Variants in TMIGD3 observed in about 807,000 individuals in gnomAD.
TMIGD3 encodes the protein AD026 protein (AD026).
A neutral mutation model predicts 28.1 loss-of-function variants in TMIGD3; 21 were observed. The ratio of observed to expected loss-of-function variants is 0.75; its 90% CI spans 0.53 to 1.08. The LOEUF (loss-of-function observed/expected upper bound fraction) is 1.08, where lower values mean the gene tolerates loss of function less well. Ranked by LOEUF, TMIGD3 falls within the 50% of genes least tolerant of loss-of-function variation. The pLI is 0.00. For missense variants in TMIGD3, 416 were observed against 435.6 expected, an observed-to-expected ratio of 0.96 and a Z score of 0.40; for synonymous variants, 151 against 162.1, an observed-to-expected ratio of 0.93 and a Z score of 0.52.
At chr1:111,510,691 T>A (rs1176881276) in intron 1 of TMIGD3, among the ~76,000 whole-genome samples, 1 of 152,176 alleles carries the variant, frequency 6.6e-6, no homozygotes, top group East Asian at 1.9e-4. Context: ...GAGCTGCACA[T>A]CATTTTTGGC....
At chr1:111,532,760 C>T (rs543773985) in intron 1 of TMIGD3, among the ~76,000 whole-genome samples, 8 of 152,258 alleles carry the variant, frequency 5.3e-5, no homozygotes, top group Admixed American at 4.6e-4. Flanking sequence ...GTTGCCTAAC[C>T]GTGGCTTGTA....
chr1:111,526,686 C>T (rs1284806062), intron 1 of TMIGD3, among the ~76,000 whole-genome samples: 1 of 152,148 alleles, frequency 6.6e-6, no homozygotes, highest in Non-Finnish European at 1.5e-5. Context: ...ATCATTATCA[C>T]CCAAAGTTCA....
In TMIGD3 at chr1:111,503,459, T is replaced by G. The variant is rs41282520; in HGVS notation, c.-105A>C. ...CCAGACGTCTTCCCAGAGGTCCATG[T>G]GCAGTGACAGTCTAAAATTCCCAAC... On this transcript the variant is annotated 5_prime_UTR_variant, in exon 1 of 6. Transcript: ENST00000369716. 3.5e-3 allele frequency: 5,087 copies of G among 1,469,550 alleles called. 29 individuals are homozygous for G. The highest frequency in any genetic ancestry group is 3.3e-3 in the Non-Finnish European group (3,698 of 1,107,586). 91.0% of individuals were successfully genotyped at this position (1,469,550 alleles called of 1,614,324 possible).
rs181222254 is a variant in TMIGD3, at chr1:111,502,257, A to G, written c.350+748T>C. On this transcript the variant is annotated intron_variant, in intron 1 of 5. Coordinates refer to ENST00000369716, the MANE Select transcript of TMIGD3 (RefSeq NM_020683.7). ...ATATATAGGATATATTTATTATAAT[A>G]AATATATAGGATATATATTCATTAT... Among the ~76,000 whole-genome samples the G allele has an allele frequency of 2.3e-3, 120 of 52,730 alleles. 18 individuals are homozygous for G. Among genetic ancestry groups the G allele is most frequent in the Admixed American group, 0.012 (45 of 3,604 alleles). The allele number at this position is 52,730 out of a possible 152,430, so 34.6% of individuals were successfully genotyped here.
chr1:111,546,552 T>C (rs1395925931), intron 1 of TMIGD3, among the ~76,000 whole-genome samples: 1 of 152,196 alleles, frequency 6.6e-6, no homozygotes, highest in African/African-American at 2.4e-5. Flanking sequence ...TTATTTCACT[T>C]AGCATAATGT....
chr1:111,540,910 C>T (rs1571449160), intron 1 of TMIGD3, among the ~76,000 whole-genome samples: 1 of 152,170 alleles, frequency 6.6e-6, no homozygotes, highest in East Asian at 1.9e-4. Flanking sequence ...CAAACAGTTA[C>T]ACAAATTATC....
rs397981230 is a variant in TMIGD3, at chr1:111,555,362, T to TAAAAAAAAAAAAAA, written c.107+8470_107+8483dup. ...GCCTGGGTGACAGACTGAGACTCTGTAAAAAAAAAAAAAAAAAAAAAAAAA... is the reference window on the plus strand; with the variant it reads ...GCCTGGGTGACAGACTGAGACTCTGTAAAAAAAAAAAAAAAAAAAAAAAAAAAAAAAAAAAAAAA... On this transcript the variant is annotated intron_variant, in intron 1 of 5. Transcript: ENST00000369717. Among the ~76,000 whole-genome samples, 5 of 47,640 alleles carry TAAAAAAAAAAAAAA rather than the reference T, an allele frequency of 1.0e-4. 1 individual carries two copies. The highest frequency in any genetic ancestry group is 3.6e-4 in the African/African-American group (3 of 8,386). The allele number at this position is 47,640 out of a possible 152,430, so 31.3% of individuals were successfully genotyped here. A position where few individuals can be genotyped will look rare whatever the true frequency, so the allele number is the denominator to read the frequency against.
At chr1:111,563,858 C>T (rs990072453) in exon 1 of TMIGD3, 78 of 1,612,964 alleles carry the variant, frequency 4.8e-5, no homozygotes, top group Non-Finnish European at 6.5e-5. Flanking sequence ...TGACTCAGGA[C>T]TCAAGCAGCC....
rs776490250 is a variant in TMIGD3, at chr1:111,503,211, G to C, written c.144C>G (p.Phe48Leu). 1.2e-6 allele frequency: 2 copies of C among 1,614,252 alleles called. No homozygotes were observed. Among genetic ancestry groups the C allele is most frequent in the South Asian group, 1.1e-5 (1 of 91,086 alleles). Residue 48 changes from phenylalanine (F) to leucine (L), a missense_variant, in exon 1 of 6, where the codon TTC (phenylalanine) becomes TTG (leucine). Coordinates refer to ENST00000369716, the MANE Select transcript of TMIGD3 (RefSeq NM_020683.7). ...CCAGGGCTAGAGAGACAATGAAATA[G>C]AAGGTGGTGGTCTGCAGGCTGGGGT... ...KLNPSLQTTT[F>L]YFIVSLALAD...
upstream of TMIGD3, among the ~76,000 whole-genome samples, chr1:111,506,118 C>G (rs1655480623): frequency 6.6e-6 from 1 of 152,212 alleles, no homozygotes; most frequent in African/African-American, 2.4e-5. Flanking sequence ...TCCCAGTCTT[C>G]ACCTCTCCTC....
intron 1 of TMIGD3, chr1:111,500,389 C>T (rs948763983): frequency 6.2e-7 from 1 of 1,614,086 alleles, no homozygotes; most frequent in Non-Finnish European, 8.5e-7. Flanking sequence ...GTAGTCCATT[C>T]TCATGACGGA....
chr1:111,529,478 C>T (rs1451614348), intron 1 of TMIGD3, among the ~76,000 whole-genome samples: 1 of 149,300 alleles, frequency 6.7e-6, no homozygotes. Flanking sequence ...AACAAGTGAA[C>T]AAAGGTCTCT....
chr1:111,495,085 GC>G (rs1654829618), intron 1 of TMIGD3, among the ~76,000 whole-genome samples: 1 of 152,270 alleles, frequency 6.6e-6, no homozygotes, highest in Admixed American at 6.5e-5. Context: ...ATAGGAACTG[GC>G]AAAGATTTCA....
In TMIGD3 at chr1:111,486,227, G is replaced by A. The variant is rs551470205; in HGVS notation, c.872+359C>T. 3.9e-5 allele frequency among the ~76,000 whole-genome samples: 6 copies of A among 152,246 alleles called. No individual in the cohort carries two copies. The East Asian group carries it at 9.7e-4, about 25-fold the overall frequency. ...CAGAAGGAAGGAAACACACAGATTC[G>A]AAGCAGATTAGAGACTGAGGTAAAT... On this transcript the variant is annotated intron_variant, in intron 4 of 5. Coordinates refer to ENST00000369716, the MANE Select transcript of TMIGD3 (RefSeq NM_020683.7).
At chr1:111,485,578 C>T in intron 5 of TMIGD3, 162 bp downstream of exon 5, 4 of 575,200 alleles carry the variant, frequency 7.0e-6, no homozygotes, top group Non-Finnish European at 1.2e-5. Context: ...TGCCTTGTCA[C>T]CATCAAGCAG....
At chr1:111,520,063 T>A (rs2101002612) in intron 1 of TMIGD3, among the ~76,000 whole-genome samples, 1 of 152,294 alleles carries the variant, frequency 6.6e-6, no homozygotes, top group Middle Eastern at 3.4e-3. Context: ...TACTGTACAT[T>A]AGCAAACAGG....
upstream of TMIGD3, among the ~76,000 whole-genome samples, chr1:111,506,811 A>G (rs1394104653): frequency 6.6e-6 from 1 of 151,784 alleles, no homozygotes; most frequent in Non-Finnish European, 1.5e-5. Context: ...GGTCGCTGGT[A>G]AGGCTGGGGC....
At chr1:111,547,910 C>A (rs2101031780) in intron 1 of TMIGD3, among the ~76,000 whole-genome samples, 1 of 152,360 alleles carries the variant, frequency 6.6e-6, no homozygotes, top group Non-Finnish European at 1.5e-5. Flanking sequence ...CTTTGGCCCT[C>A]CAGAAAGTAA....
chr1:111,538,539 T>C (rs1318660982), intron 1 of TMIGD3, among the ~76,000 whole-genome samples: 2 of 152,204 alleles, frequency 1.3e-5, no homozygotes, highest in Non-Finnish European at 2.9e-5. Flanking sequence ...CTACCACTAT[T>C]CATTTTGTCC....
Sources: gnomAD v4.1 joint callset for allele counts (sites outside exome capture counted in the v4.1 genomes callset) on GRCh38, gnomAD v4.1.1 for gene constraint, MANE v1.5 for transcripts, NCBI Gene and HGNC (gene_info 2026-07-23, HGNC 2026-07-21) for gene names.